Variants in PXDN observed in about 807,000 individuals in gnomAD.
PXDN encodes peroxidasin, also known as peroxidasin homolog.
PXDN carries 77 observed loss-of-function variants against 140.3 expected under a neutral mutation model. The observed-to-expected ratio is 0.55, with a 90% CI of 0.46 to 0.66. The LOEUF (loss-of-function observed/expected upper bound fraction) is 0.66, where lower values mean the gene tolerates loss of function less well. PXDN is among the 30% of genes least tolerant of loss of function. The pLI is 0.00. For synonymous variants in PXDN, 911 were observed against 857.4 expected, an observed-to-expected ratio of 1.06 and a Z score of -1.09; for missense variants, 1,838 against 2,039.5, an observed-to-expected ratio of 0.90 and a Z score of 1.90.
chr2:1,638,820 G>A lies in PXDN; in HGVS notation c.4206+26C>T, dbSNP rs150491771. 103 of 1,613,744 alleles carry A rather than the reference G, an allele frequency of 6.4e-5. No homozygotes were observed. In the East Asian group the frequency reaches 2.3e-3, roughly 35 times the overall value. On this transcript the variant is annotated intron_variant, in intron 21 of 22. Transcript: ENST00000252804. ...TGCTGCTGTGGAATCTTGGAGTGGGGGGACACAGGCCGCCAGGCACCTCAC... is the reference window on the plus strand; with the variant it reads ...TGCTGCTGTGGAATCTTGGAGTGGGAGGACACAGGCCGCCAGGCACCTCAC...
rs181734520 is a variant in PXDN at position 1,681,735 on chromosome 2, G to A, written c.561-1373C>T. 9.5e-4 allele frequency among the ~76,000 whole-genome samples: 145 copies of A among 152,334 alleles called. 1 individual carries two copies. The highest frequency in any genetic ancestry group is 3.4e-3 in the African/African-American group (142 of 41,590). ...GGGACAGTGTCAGCCACGTGCCCAGGGCACCCAACCTGTGCCCACAGCTGA... is the reference window on the plus strand; with the variant it reads ...GGGACAGTGTCAGCCACGTGCCCAGAGCACCCAACCTGTGCCCACAGCTGA... On this transcript the variant is annotated intron_variant, in intron 6 of 22. Transcript: ENST00000252804.
At chr2:1,658,694 C>T (rs975430721) in intron 14 of PXDN, among the ~76,000 whole-genome samples, 3 of 152,076 alleles carry the variant, frequency 2.0e-5, no homozygotes, top group Non-Finnish European at 2.9e-5. Context: ...CAAGGACAGT[C>T]GAGCTCTGCA....
intron 1 of PXDN, among the ~76,000 whole-genome samples, chr2:1,720,718 T>A (rs1297709242): frequency 1.4e-5 from 2 of 140,190 alleles, no homozygotes; most frequent in African/African-American, 6.2e-5. Flanking sequence ...TCTCTCTCTC[T>A]CTCTCTCACA....
intron 1 of PXDN, among the ~76,000 whole-genome samples, chr2:1,718,980 G>A (rs537949577): frequency 2.6e-4 from 40 of 152,372 alleles, no homozygotes; most frequent in African/African-American, 8.9e-4. Flanking sequence ...GATGGCATGT[G>A]AGGGGCACAC....
intron 1 of PXDN, among the ~76,000 whole-genome samples, chr2:1,736,988 G>A (rs1685436431): frequency 6.6e-6 from 1 of 152,162 alleles, no homozygotes; most frequent in Non-Finnish European, 1.5e-5. Context: ...GCTCTGCAGG[G>A]CTCAGCATAC....
In PXDN at chr2:1,662,003, G is replaced by T. The variant is rs184351296; in HGVS notation, c.1680+69C>A. On this transcript the variant is annotated intron_variant, in intron 13 of 22. Transcript: ENST00000252804. ...TCCGCCTACCTTGCTCCAGGTAGTGGGTGGTGTGGGTGCCAGCCCGTCTAC... is the reference window on the plus strand; with the variant it reads ...TCCGCCTACCTTGCTCCAGGTAGTGTGTGGTGTGGGTGCCAGCCCGTCTAC... 4,949 of 1,371,892 alleles carry T rather than the reference G, an allele frequency of 3.6e-3. 14 individuals carry two copies. Among genetic ancestry groups the T allele is most frequent in the Non-Finnish European group, 4.4e-3 (4,370 of 993,466 alleles). 85.0% of individuals were successfully genotyped at this position (1,371,892 alleles called of 1,614,324 possible).
chr2:1,739,900 T>G (rs1685502034), intron 1 of PXDN, among the ~76,000 whole-genome samples: 2 of 152,260 alleles, frequency 1.3e-5, no homozygotes. Context: ...TAATAAAGTC[T>G]TTGACTCTGT....
rs369851999 is a variant in PXDN at position 1,648,633 on chromosome 2, C to T, written c.3147G>A (p.Glu1049=). 2.5e-4 allele frequency: 404 copies of T among 1,611,744 alleles called. No individual in the cohort carries two copies. The highest frequency in any genetic ancestry group is 3.2e-4 in the Non-Finnish European group (379 of 1,179,266). Reference sequence around the variant, plus strand: ...TGATGCCGGGGTCGTAGCCGTGGTACTCTCCCAGCGTCCTCATGCCCACCT... The same window carrying T: ...TGATGCCGGGGTCGTAGCCGTGGTATTCTCCCAGCGTCCTCATGCCCACCT... ...LGEVGMRTLG[E]YHGYDPGINA... The change falls in exon 17 of 23, where the codon GAG becomes GAA. Residue 1049 remains glutamate, a synonymous_variant. Transcript: ENST00000252804. This position sits in a 1 kb window ranked among gnomAD's most constrained non-coding sequence, Gnocchi z 8.9.
intron 1 of PXDN, among the ~76,000 whole-genome samples, chr2:1,703,015 G>A (rs1369982186): frequency 5.3e-5 from 6 of 113,224 alleles, no homozygotes; most frequent in Admixed American, 9.2e-5. Context: ...GGTGAAGGGG[G>A]GACAGCTCCA....
At chr2:1,675,797 CCGAG>C (rs1355162331) in intron 8 of PXDN, among the ~76,000 whole-genome samples, 5 of 100,250 alleles carry the variant, frequency 5.0e-5, no homozygotes, top group African/African-American at 3.5e-4. Context: ...CAGTTTGAGC[CCGAG>C]TATCAAACAA....
chr2:1,647,716 G>C (rs1454556442), intron 17 of PXDN, among the ~76,000 whole-genome samples: 2 of 152,214 alleles, frequency 1.3e-5, no homozygotes, highest in Non-Finnish European at 2.9e-5. Context: ...GTGGCCCCAA[G>C]GGCCCGGATC....
At chr2:1,676,607 G>A (rs562386763) in intron 8 of PXDN, 14 of 380,960 alleles carry the variant, frequency 3.7e-5, no homozygotes, top group East Asian at 2.6e-4. Flanking sequence ...GCTGCCAGAC[G>A]TCAGCAGGCA....
intron 8 of PXDN, among the ~76,000 whole-genome samples, chr2:1,675,803 A>G (rs1683691096): frequency 9.8e-6 from 1 of 102,262 alleles, no homozygotes; most frequent in Non-Finnish European, 1.8e-5. Flanking sequence ...GAGCCCGAGT[A>G]TCAAACAATG....
At chr2:1,712,606 C>T (rs1006527474) in intron 1 of PXDN, among the ~76,000 whole-genome samples, 42 of 152,314 alleles carry the variant, frequency 2.8e-4, no homozygotes, top group African/African-American at 8.9e-4. Context: ...TCCCCAGGGA[C>T]GGCCTGAAGT....
At chr2:1,670,814 C>T (rs574807610) in intron 9 of PXDN, among the ~76,000 whole-genome samples, 1 of 152,178 alleles carries the variant, frequency 6.6e-6, no homozygotes, top group Non-Finnish European at 1.5e-5. Flanking sequence ...CAGTGCTGTG[C>T]CCTCGGCATG....
chr2:1,738,859 T>A (rs1242792233), intron 1 of PXDN, among the ~76,000 whole-genome samples: 2 of 152,208 alleles, frequency 1.3e-5, no homozygotes, highest in Non-Finnish European at 2.9e-5. Flanking sequence ...ATCTTCCAAC[T>A]CTTACCCAGC....
chr2:1,650,877 C>T (rs1187153462), intron 16 of PXDN, among the ~76,000 whole-genome samples: 1 of 152,082 alleles, frequency 6.6e-6, no homozygotes, highest in Admixed American at 6.5e-5. Flanking sequence ...ACAGGTATCA[C>T]TATGGACACC....
At chr2:1,696,640 C>G (rs1381359258) in intron 1 of PXDN, among the ~76,000 whole-genome samples, 1 of 152,200 alleles carries the variant, frequency 6.6e-6, no homozygotes, top group African/African-American at 2.4e-5. Flanking sequence ...TTATACCACA[C>G]ATATTCATCT....
At chr2:1,655,548 C>A (rs1384385047) in intron 14 of PXDN, among the ~76,000 whole-genome samples, 1 of 151,194 alleles carries the variant, frequency 6.6e-6, no homozygotes, top group African/African-American at 2.4e-5. Context: ...CACATCTGCC[C>A]CTCCTGACAG....
Sources: allele counts gnomAD v4.1 joint callset (sites outside exome capture counted in the v4.1 genomes callset), GRCh38; gene constraint gnomAD v4.1.1; non-coding constraint Gnocchi (gnomAD v3.1); transcripts MANE v1.5; gene names NCBI Gene and HGNC (gene_info 2026-07-23, HGNC 2026-07-21).